Variants in TSC2 observed in about 807,000 individuals in gnomAD.
TSC2 encodes tuberin.
In TSC2, 29 loss-of-function variants were observed where a neutral mutation model predicts 202.2. The ratio of observed to expected loss-of-function variants is 0.14; its 90% CI spans 0.11 to 0.20. The LOEUF (loss-of-function observed/expected upper bound fraction) is 0.20, where lower values mean the gene tolerates loss of function less well. Among genes scored for constraint, TSC2 ranks in the 10% least tolerant of loss-of-function variants. The pLI, the probability that TSC2 is intolerant of heterozygous loss-of-function variation, is 1.00. For missense variants in TSC2, 2,429 were observed against 2,420.0 expected, an observed-to-expected ratio of 1.00 and a Z score of -0.08; for synonymous variants, 1,349 against 1,044.0, an observed-to-expected ratio of 1.29 and a Z score of -5.63.
Position 2,083,742 on chromosome 16 carries a change from C to T in TSC2, c.3931C>T (p.Leu1311=), listed in dbSNP as rs2151511633. 6.2e-7 allele frequency: 1 copy of T among 1,606,316 alleles called. No homozygotes were observed. Among genetic ancestry groups the T allele is most frequent in the Non-Finnish European group, 8.5e-7 (1 of 1,177,514 alleles). The change falls in exon 33 of 42, where the codon CTG becomes TTG. Residue 1311 remains leucine, a synonymous_variant. Coordinates refer to ENST00000219476, the MANE Select transcript of TSC2 (RefSeq NM_000548.5). ...GGGAAGTCCGGGCGAGGTTCCTGTG[C>T]TGGTGGAGCCCCCAGGGTTGGAGGA... ...EEGSPGEVPV[L]VEPPGLEDVE...
intron 4 of TSC2, chr16:2,053,684 A>C: frequency 1.5e-6 from 1 of 658,416 alleles, no homozygotes; most frequent in Non-Finnish European, 2.8e-6. Context: ...CCTTCCTCTT[A>C]TGGGATGTTC....
At chr16:2,049,595 C>CGG (rs930809593) in intron 2 of TSC2, among the ~76,000 whole-genome samples, 6 of 151,742 alleles carry the variant, frequency 4.0e-5, no homozygotes, top group Non-Finnish European at 8.8e-5. Flanking sequence ...GAGGCCGAGG[C>CGG]GGGTGGATCA....
At chr16:2,076,035 C>G (rs2151385129) in intron 23 of TSC2, 33 bp from the exon 24 acceptor site, 1 of 1,613,770 alleles carries the variant, frequency 6.2e-7, no homozygotes, top group Non-Finnish European at 8.5e-7. Context: ...TCCCTGCTGC[C>G]AGGATGGAGT....
At chr16:2,084,848 G>A (rs907135601) in intron 34 of TSC2, 103 bp from the exon 35 acceptor site, 1 of 1,601,330 alleles carries the variant, frequency 6.2e-7, no homozygotes, top group Non-Finnish European at 8.5e-7. Context: ...CCCCTGGGAG[G>A]GCGGTGGAGT....
rs1057520919 is a variant in TSC2, at chr16:2,075,903, G to A, written c.2639+11G>A. On this transcript the variant is annotated intron_variant, in intron 23 of 41. Transcript: ENST00000219476. ...CACCAACCCCTCCAAGTGAGTGGTCGCCCCAGGCCCTGTGCCTCCCAGCCG... is the reference window on the plus strand; with the variant it reads ...CACCAACCCCTCCAAGTGAGTGGTCACCCCAGGCCCTGTGCCTCCCAGCCG... 4.8e-5 allele frequency: 78 copies of A among 1,613,006 alleles called. No individual in the cohort carries two copies. Among genetic ancestry groups the A allele is most frequent in the Middle Eastern group, 1.6e-4 (1 of 6,062 alleles).
At chr16:2,061,182 G>T in intron 11 of TSC2, 1 of 362,160 alleles carries the variant, frequency 2.8e-6, no homozygotes, top group Non-Finnish European at 5.4e-6. Context: ...CATTAGTCGA[G>T]TCTGTTAACC....
chr16:2,060,398 C>A (rs2151130816), intron 10 of TSC2, among the ~76,000 whole-genome samples: 1 of 152,284 alleles, frequency 6.6e-6, no homozygotes, highest in South Asian at 2.1e-4. Context: ...CTGGGCTGGC[C>A]CACCGGGTGC....
At chr16:2,062,438 G>C in intron 12 of TSC2, 59 bp from the exon 13 acceptor site, 2 of 1,497,804 alleles carry the variant, frequency 1.3e-6, no homozygotes, top group Non-Finnish European at 1.8e-6. Context: ...CAGCAGCCCA[G>C]TGTGGAGAAG....
chr16:2,087,833 CG>C (rs1349516776), intron 38 of TSC2, 29 bp from the exon 39 acceptor site: 1 of 1,610,270 alleles, frequency 6.2e-7, no homozygotes, highest in African/African-American at 1.3e-5. Flanking sequence ...ACGCTGTGTG[CG>C]GGGATGACCC....
Position 2,060,651 on chromosome 16 carries a change from G to A in TSC2, c.976-19G>A, listed in dbSNP as rs2151133698. ...GCAAGCAGCTCTGACCCTGTGTGCT[G>A]GCCGGGCTCGTGTTCCAGGCCATGG... On this transcript the variant is annotated intron_variant, in intron 10 of 41. Coordinates refer to ENST00000219476, the MANE Select transcript of TSC2 (RefSeq NM_000548.5). The A allele has an allele frequency of 6.2e-7, 1 of 1,613,942 alleles. No homozygotes were observed. The highest frequency in any genetic ancestry group is 8.5e-7 in the Non-Finnish European group (1 of 1,180,002).
intron 34 of TSC2, 21 bp from the exon 35 acceptor site, chr16:2,084,930 C>T (rs367625700): frequency 7.4e-6 from 12 of 1,612,984 alleles, no homozygotes; most frequent in Admixed American, 1.7e-5. Context: ...CCTGGGTGCC[C>T]ACCATCCCCT....
chr16:2,059,344 T>C (rs2086322234), intron 10 of TSC2, among the ~76,000 whole-genome samples: 3 of 147,970 alleles, frequency 2.0e-5, no homozygotes, highest in African/African-American at 7.5e-5. Flanking sequence ...CTCTCTTTTT[T>C]TTTTTTTTTT....
At position 2,072,277 on chromosome 16, in the gene TSC2, A is replaced by G. The variant is rs2151316730; in HGVS notation, c.2134A>G (p.Arg712Gly). 1 of 1,614,124 alleles carries G rather than the reference A, an allele frequency of 6.2e-7. No individual in the cohort carries two copies. The highest frequency in any genetic ancestry group is 1.1e-5 in the South Asian group (1 of 91,092). The change falls in exon 20 of 42, where the codon AGG (arginine) becomes GGG (glycine). Residue 712 changes from arginine (R) to glycine (G), a missense_variant. Transcript: ENST00000219476. Reference protein sequence around the residue: ...DWKVLKLVLGRLPESLRYKVL... With the variant: ...DWKVLKLVLGGLPESLRYKVL... ...GAAGGTGCTGAAGCTGGTTCTGGGCAGGCTGCCTGAGTCCCTGCGCTATAA... is the reference window on the plus strand; with the variant it reads ...GAAGGTGCTGAAGCTGGTTCTGGGCGGGCTGCCTGAGTCCCTGCGCTATAA...
At chr16:2,053,103 C>T (rs1057477427) in intron 3 of TSC2, among the ~76,000 whole-genome samples, 3 of 152,208 alleles carry the variant, frequency 2.0e-5, no homozygotes, top group Non-Finnish European at 2.9e-5. Context: ...CAGTCTGTCA[C>T]CTGGTGGGAG....
Position 2,071,522 on chromosome 16 carries a change from C to T in TSC2, c.1852C>T (p.Leu618=), listed in dbSNP as rs1164507294. The T allele has an allele frequency of 6.2e-7, 1 of 1,613,680 alleles. No homozygotes were observed. The highest frequency in any genetic ancestry group is 1.7e-5 in the Admixed American group (1 of 60,028). Residue 618 remains leucine, a synonymous_variant, in exon 18 of 42, where the codon CTG becomes TTG. Coordinates refer to ENST00000219476, the MANE Select transcript of TSC2 (RefSeq NM_000548.5). Reference sequence around the variant, plus strand: ...CTCTTCCTGACAGGCCTTTGACTTCCTGTTGCTGCTGCGGGCCGACTCACT... The same window carrying T: ...CTCTTCCTGACAGGCCTTTGACTTCTTGTTGCTGCTGCGGGCCGACTCACT... ...SSIRLQAFDF[L]LLLRADSLHR...
chr16:2,052,217 A>G (rs1476326423), intron 3 of TSC2, among the ~76,000 whole-genome samples: 2 of 151,712 alleles, frequency 1.3e-5, no homozygotes, highest in East Asian at 3.8e-4. Flanking sequence ...TGCAACGGTA[A>G]GAGTATTGTC....
rs764533757 is a variant in TSC2 at position 2,084,504 on chromosome 16, G to A, written c.4282G>A (p.Ala1428Thr). ...GTCAGGGACCCTGGACGGGGAAAGT[G>A]CTGCCTGGTCGGCCTCGGGCGAAGA... Reference protein sequence around the residue: ...SQSGTLDGESAAWSASGEDSR... With the variant: ...SQSGTLDGESTAWSASGEDSR... Residue 1428 changes from alanine to threonine, a missense_variant, in exon 34 of 42, where the codon GCT becomes ACT. By Grantham distance (58) the Ala-to-Thr change is moderately conservative (BLOSUM62 0). Transcript: ENST00000219476. 1.9e-6 allele frequency: 3 copies of A among 1,609,268 alleles called. No homozygotes were observed. The Admixed American group carries it at 5.0e-5, about 27-fold the overall frequency.
Position 2,062,527 on chromosome 16 carries a change from A to G in TSC2, c.1288A>G (p.Arg430Gly). ...CTCCCTCCTGAACCTGATCTCCTATAGAGCGCAGTCCATCCACCCGGCCAA... is the reference window on the plus strand; with the variant it reads ...CTCCCTCCTGAACCTGATCTCCTATGGAGCGCAGTCCATCCACCCGGCCAA... The part of the protein sequence containing the change: ...ESSLLNLISY[R>G]AQSIHPAKDG... Residue 430 changes from arginine (R) to glycine (G), a missense_variant, in exon 13 of 42, where the codon AGA becomes GGA. By Grantham distance (125) the Arg-to-Gly change is moderately radical. Transcript: ENST00000219476. 6.2e-7 allele frequency: 1 copy of G among 1,612,374 alleles called. No homozygotes were observed. The highest frequency in any genetic ancestry group is 8.5e-7 in the Non-Finnish European group (1 of 1,179,252).
intron 13 of TSC2, 69 bp from the exon 14 acceptor site, chr16:2,062,903 G>C (rs2151168675): frequency 6.6e-7 from 1 of 1,519,736 alleles, no homozygotes. Context: ...GCCTGCGCCA[G>C]GCAGACGGGC....
Sources: allele counts gnomAD v4.1 joint callset (sites outside exome capture counted in the v4.1 genomes callset), GRCh38; gene constraint gnomAD v4.1.1; transcripts MANE v1.5; gene names NCBI Gene and HGNC (gene_info 2026-07-23, HGNC 2026-07-21).